Variants in RBPJL observed in about 807,000 individuals in gnomAD.
RBPJL encodes recombining binding protein suppressor of hairless-like protein.
In RBPJL, 50 loss-of-function variants were observed where a neutral mutation model predicts 57.6. That is an observed-to-expected ratio of 0.87 (90% CI 0.69 to 1.10). The LOEUF (loss-of-function observed/expected upper bound fraction) is 1.10. Ranked by LOEUF, RBPJL falls within the 50% of genes least tolerant of loss-of-function variation. The probability of loss-of-function intolerance (pLI) is 0.00; values close to 1 mark genes in which losing one functional copy is unlikely to be tolerated. For missense variants in RBPJL, 684 were observed against 693.7 expected (o/e 0.99, Z 0.16); for synonymous variants, 303 against 294.4 (o/e 1.03, Z -0.30).
intron 6 of RBPJL, among the ~76,000 whole-genome samples, chr20:45,312,753 G>T (rs1420871767): frequency 6.6e-6 from 1 of 151,430 alleles, no homozygotes; most frequent in East Asian, 1.9e-4. Flanking sequence ...AATTTGGGAG[G>T]CCAAGGTGGG....
rs573400037 is a variant in RBPJL at position 45,308,127 on chromosome 20, G to A, written c.23-16G>A. 6.3e-7 allele frequency: 1 copy of A among 1,589,302 alleles called. No individual in the cohort carries two copies. Among genetic ancestry groups the A allele is most frequent in the South Asian group, 1.1e-5 (1 of 90,468 alleles). ...ATACACTCGCCTGACCTGGCTTGATGCCTACTCCCCTGCAGACCCCTCAGT... is the reference window on the plus strand; with the variant it reads ...ATACACTCGCCTGACCTGGCTTGATACCTACTCCCCTGCAGACCCCTCAGT... On this transcript the variant is annotated splice_polypyrimidine_tract_variant and intron_variant, in intron 1 of 11. Transcript: ENST00000343694.
chr20:45,316,999 C>A lies in RBPJL; in HGVS notation c.*40C>A, dbSNP rs757019467. 5.7e-6 allele frequency: 9 copies of A among 1,581,214 alleles called. No individual in the cohort carries two copies. In the Admixed American group the frequency reaches 9.0e-5, roughly 16 times the overall value. ...CCCGGCTGCCCACCCTGGAGGGCTGCGCCCGCGCCAGGCGCGGGGACGTGT... is the reference window on the plus strand; with the variant it reads ...CCCGGCTGCCCACCCTGGAGGGCTGAGCCCGCGCCAGGCGCGGGGACGTGT... On this transcript the variant is annotated 3_prime_UTR_variant, in exon 12 of 12. Coordinates refer to ENST00000343694, the MANE Select transcript of RBPJL (RefSeq NM_014276.4).
In RBPJL at chr20:45,307,001, AC is replaced by A. The variant is rs562994913; in HGVS notation, c.22+64del. 219 of 729,080 alleles carry A rather than the reference AC, an allele frequency of 3.0e-4. 1 individual carries two copies. The African/African-American group carries it at 3.5e-3, about 12-fold the overall frequency. 45.2% of individuals were successfully genotyped at this position (729,080 alleles called of 1,614,324 possible). The stretch of plus-strand genomic sequence containing the variant: ...CGCCCCGTGAGAACTACGAAGGACC[AC>A]CCCCCCACCCCCTCCCCACTATACA... On this transcript the variant is annotated intron_variant, in intron 1 of 11. Transcript: ENST00000343694.
intron 3 of RBPJL, among the ~76,000 whole-genome samples, chr20:45,310,088 C>A (rs549753798): frequency 7.2e-5 from 11 of 152,308 alleles, no homozygotes; most frequent in African/African-American, 2.2e-4. Flanking sequence ...AAGAGACAGA[C>A]AGTAAACTCC....
chr20:45,311,813 C>A, intron 4 of RBPJL, 26 bp from the exon 5 acceptor site: 9 of 1,541,110 alleles, frequency 5.8e-6, no homozygotes, highest in Non-Finnish European at 7.9e-6. Context: ...CGAGTCCTTG[C>A]AGAGCCAGTT....
chr20:45,315,952 TA>T (rs1987441726), intron 9 of RBPJL: 1 of 384,550 alleles, frequency 2.6e-6, no homozygotes, highest in African/African-American at 2.2e-5. Context: ...GGAAGGAAAA[TA>T]AAGAAAAAAG....
Position 45,314,473 on chromosome 20 carries a change from C to T in RBPJL, c.928C>T (p.Leu310=), listed in dbSNP as rs1321328833. The T allele has an allele frequency of 6.2e-7, 1 of 1,614,210 alleles. No individual in the cohort carries two copies. Among genetic ancestry groups the T allele is most frequent in the Non-Finnish European group, 8.5e-7 (1 of 1,180,012 alleles). Residue 310 remains leucine, a synonymous_variant, in exon 9 of 12, where the codon CTG becomes TTG. Coordinates refer to ENST00000343694, the MANE Select transcript of RBPJL (RefSeq NM_014276.4). ...LLDVDEPISQ[L]HKCAFQFPGS... is the part of the protein sequence containing the mutation. ...TGATGTGGATGAGCCCATCTCCCAGCTGCACAAGTGTGCATTCCAGTTTCC... is the reference window on the plus strand; with the variant it reads ...TGATGTGGATGAGCCCATCTCCCAGTTGCACAAGTGTGCATTCCAGTTTCC...
chr20:45,316,122 C>G, intron 9 of RBPJL, 65 bp from the exon 10 acceptor site: 1 of 1,533,864 alleles, frequency 6.5e-7, no homozygotes, highest in Non-Finnish European at 9.0e-7. Context: ...ACGCGCCATG[C>G]TGGCTCCCTA....
At position 45,314,366 on chromosome 20, in the gene RBPJL, C is replaced by T. The variant is rs151023867; in HGVS notation, c.868-47C>T. 117 of 1,589,064 alleles carry T rather than the reference C, an allele frequency of 7.4e-5. No individual in the cohort carries two copies. In the African/African-American group the frequency reaches 7.5e-4, roughly 10 times the overall value. ...GCCGGCTAGGAGGGCAGCCTCTGGA[C>T]GCCCGGGCTCCTTGCCACCACTGTT... On this transcript the variant is annotated intron_variant, in intron 8 of 11. Coordinates refer to ENST00000343694, the MANE Select transcript of RBPJL (RefSeq NM_014276.4).
chr20:45,311,712 A>C, intron 4 of RBPJL, 53 bp downstream of exon 4: 1 of 1,598,566 alleles, frequency 6.3e-7, no homozygotes, highest in Non-Finnish European at 8.6e-7. Context: ...GAGGACCACG[A>C]GATTGGGCCC....
At chr20:45,314,226 T>C in intron 8 of RBPJL, 82 bp downstream of exon 8, 2 of 1,367,336 alleles carry the variant, frequency 1.5e-6, no homozygotes, top group Non-Finnish European at 2.1e-6. Flanking sequence ...GGCTGGAGAG[T>C]GAGGCCCCAA....
chr20:45,312,350 A>G lies in RBPJL; in HGVS notation c.574A>G (p.Ile192Val). 3 of 1,614,184 alleles carry G rather than the reference A, an allele frequency of 1.9e-6. No homozygotes were observed. The highest frequency in any genetic ancestry group is 2.5e-6 in the Non-Finnish European group (3 of 1,180,038). The change falls in exon 6 of 12, where the codon ATC (isoleucine) becomes GTC (valine). Residue 192 changes from isoleucine (I) to valine (V), a missense_variant. Transcript: ENST00000343694. Reference protein sequence around the residue: ...GTFHSRLIKVISKPSQKKQSL... With the variant: ...GTFHSRLIKVVSKPSQKKQSL... ...CTTCCACAGCCGCCTTATCAAGGTC[A>G]TCTCGAAGCCCTCGCAGAAGAAGCA...
chr20:45,317,219 A>G lies in RBPJL; in HGVS notation c.*260A>G. 1.9e-6 allele frequency: 1 copy of G among 530,188 alleles called. No homozygotes were observed. Among genetic ancestry groups the G allele is most frequent in the Admixed American group, 3.6e-5 (1 of 28,066 alleles). The allele number at this position is 530,188 out of a possible 1,614,324, so 32.8% of individuals were successfully genotyped here. ...GCTCTCCCTGTCTTCATTTCTTCTC[A>G]CTCTGTCTCTAAACCTCTCTCTCTC... On this transcript the variant is annotated 3_prime_UTR_variant, in exon 12 of 12. Transcript: ENST00000343694.
rs1987311838 is a variant in RBPJL at position 45,313,680 on chromosome 20, A to G, written c.757+75A>G. 9.2e-6 allele frequency: 13 copies of G among 1,410,302 alleles called. No homozygotes were observed. The South Asian group carries it at 9.9e-5, about 11-fold the overall frequency. The allele number at this position is 1,410,302 out of a possible 1,614,324, so 87.4% of individuals were successfully genotyped here. On this transcript the variant is annotated intron_variant, in intron 7 of 11. Coordinates refer to ENST00000343694, the MANE Select transcript of RBPJL (RefSeq NM_014276.4). The stretch of plus-strand genomic sequence containing the variant: ...TATTTAACCTCCACCACAACTCCTT[A>G]AGGAAGGTAAACTCTGCCCCATGTG...
intron 3 of RBPJL, among the ~76,000 whole-genome samples, chr20:45,310,599 C>T (rs565116248): frequency 1.3e-5 from 2 of 150,760 alleles, no homozygotes; most frequent in East Asian, 3.9e-4. Context: ...GAGCAAGACT[C>T]AGTCTCAAAA....
chr20:45,308,149 C>A lies in RBPJL; in HGVS notation c.29C>A (p.Ser10Ter). 1 of 1,612,702 alleles carries A rather than the reference C, an allele frequency of 6.2e-7. No individual in the cohort carries two copies. Residue 10 changes from serine (S) to a stop codon, truncating the protein, a stop_gained, in exon 2 of 12, where the codon TCA (serine) becomes TAA (stop). Transcript: ENST00000343694. LOFTEE classifies it high-confidence loss of function. Reference protein sequence around the residue: MDPAGAADPSVPPNPLTHLS... With the variant: MDPAGAADP ...GATGCCTACTCCCCTGCAGACCCCTCAGTGCCTCCCAATCCTTTGACTCAC... is the reference window on the plus strand; with the variant it reads ...GATGCCTACTCCCCTGCAGACCCCTAAGTGCCTCCCAATCCTTTGACTCAC...
At chr20:45,312,095 T>G in intron 5 of RBPJL, 126 bp from the exon 6 acceptor site, 1 of 1,505,630 alleles carries the variant, frequency 6.6e-7, no homozygotes, top group Non-Finnish European at 9.2e-7. Flanking sequence ...AGGCCGAGCC[T>G]GAGAGCCTGG....
chr20:45,314,279 G>A (rs1987345772), intron 8 of RBPJL, 134 bp from the exon 9 acceptor site: 1 of 1,273,394 alleles, frequency 7.9e-7, no homozygotes, highest in Non-Finnish European at 1.1e-6. Flanking sequence ...CGTAGGACCA[G>A]ACAGAAGTCA....
In RBPJL at chr20:45,313,506, C is replaced by T. The variant is rs144085902; in HGVS notation, c.658C>T (p.Arg220Cys). The part of the protein sequence containing the change: ...SSGSKVSLFN[R>C]LRSQTVSTRY... ...CGGCTCAAAGGTCTCCCTCTTCAAC[C>T]GCCTGCGCTCTCAGACGGTCTCCAC... is the stretch of plus-strand genomic sequence containing the variant. Residue 220 changes from arginine (R) to cysteine (C), a missense_variant, in exon 7 of 12, where the codon CGC (arginine) becomes TGC (cysteine). By Grantham distance (180) the Arg-to-Cys change is radical. Coordinates refer to ENST00000343694, the MANE Select transcript of RBPJL (RefSeq NM_014276.4). The T allele has an allele frequency of 7.4e-6, 12 of 1,613,958 alleles. No individual in the cohort carries two copies. Among genetic ancestry groups the T allele is most frequent in the Middle Eastern group, 1.7e-4 (1 of 6,038 alleles).
Sources: gnomAD v4.1 joint callset for allele counts (sites outside exome capture counted in the v4.1 genomes callset) on GRCh38, gnomAD v4.1.1 for gene constraint, MANE v1.5 for transcripts, NCBI Gene and HGNC (gene_info 2026-07-23, HGNC 2026-07-21) for gene names.